DHRS7C: variants seen among roughly 807,000 people sequenced by gnomAD.
DHRS7C encodes dehydrogenase/reductase SDR family member 7C.
DHRS7C carries 28 observed loss-of-function variants against 29.6 expected under a neutral mutation model. The ratio of observed to expected loss-of-function variants is 0.95; its 90% confidence interval spans 0.70 to 1.30. The LOEUF (loss-of-function observed/expected upper bound fraction) is 1.30, where lower values mean the gene tolerates loss of function less well. DHRS7C is among the 50% of genes most tolerant of loss of function. The pLI, the probability that DHRS7C is intolerant of heterozygous loss-of-function variation, is 0.00. For missense variants in DHRS7C, 403 were observed against 393.3 expected, an observed-to-expected ratio of 1.02 and a Z score of -0.21; for synonymous variants, 158 against 160.2, an observed-to-expected ratio of 0.99 and a Z score of 0.10.
In DHRS7C at chr17:9,771,460, A is replaced by G; in HGVS notation, c.*28T>C. On this transcript the variant is annotated 3_prime_UTR_variant, in exon 6 of 6. Transcript: ENST00000571134. ...ACCTGCCAGAAAAACCTTTATTTCC[A>G]AGGGGTGGCCCATTTGGCCTCCTGC... is the stretch of plus-strand genomic sequence containing the variant. The G allele has an allele frequency of 6.9e-7, 1 of 1,454,304 alleles. No individual in the cohort carries two copies. Among genetic ancestry groups the G allele is most frequent in the Non-Finnish European group, 9.1e-7 (1 of 1,097,046 alleles). 90.1% of individuals were successfully genotyped at this position (1,454,304 alleles called of 1,614,324 possible).
rs2152015434 is a variant in DHRS7C at position 9,775,805 on chromosome 17, C to T, written c.571+1388G>A. Among the ~76,000 whole-genome samples the T allele has an allele frequency of 6.6e-6, 1 of 152,312 alleles. No individual in the cohort carries two copies. Among genetic ancestry groups the T allele is most frequent in the Non-Finnish European group, 1.5e-5 (1 of 68,036 alleles). On this transcript the variant is annotated intron_variant, in intron 4 of 5. Coordinates refer to ENST00000571134, the MANE Select transcript of DHRS7C (RefSeq NM_001105571.3). This position sits in a 1 kb window ranked among gnomAD's most constrained non-coding sequence, Gnocchi z 4.2. ...ATATGCTGAAACCCAATACCCAGTA[C>T]TCAGAATGTGACGGTATTTAGAGAT...
chr17:9,787,738 C>T (rs111960702), intron 1 of DHRS7C, among the ~76,000 whole-genome samples: 4 of 152,032 alleles, frequency 2.6e-5, no homozygotes, highest in African/African-American at 9.7e-5. Context: ...GACAGGGTCT[C>T]ACTCTGTCGC....
intron 1 of DHRS7C, among the ~76,000 whole-genome samples, chr17:9,783,563 C>A (rs190914897): frequency 5.9e-4 from 90 of 152,250 alleles, no homozygotes; most frequent in African/African-American, 2.1e-3. Flanking sequence ...AAAGAGTTAG[C>A]AGTTCAAGTC....
intron 1 of DHRS7C, among the ~76,000 whole-genome samples, chr17:9,783,227 C>A (rs948293470): frequency 1.3e-5 from 2 of 152,080 alleles, no homozygotes; most frequent in Non-Finnish European, 2.9e-5. Context: ...GAGGGAAACC[C>A]GAATCCAGAA....
chr17:9,783,406 A>T (rs1388911715), intron 1 of DHRS7C, among the ~76,000 whole-genome samples: 1 of 152,218 alleles, frequency 6.6e-6, no homozygotes, highest in Admixed American at 6.5e-5. Context: ...GTAAATCAGG[A>T]TCCCAACGGG....
intron 3 of DHRS7C, among the ~76,000 whole-genome samples, chr17:9,778,274 G>T (rs1037537212): frequency 1.3e-5 from 2 of 151,916 alleles, no homozygotes; most frequent in African/African-American, 4.8e-5. Context: ...GGCGCCTGTA[G>T]TCCCAGCTAC....
chr17:9,782,512 G>A lies in DHRS7C; in HGVS notation c.155-918C>T, dbSNP rs573803437. 3.9e-5 allele frequency among the ~76,000 whole-genome samples: 6 copies of A among 152,140 alleles called. No homozygotes were observed. The East Asian group carries it at 9.7e-4, about 25-fold the overall frequency. The stretch of plus-strand genomic sequence containing the variant: ...TTGCAGAGCTGGAGGCAAGAGGATC[G>A]GCCTTTGTACACCAGTGTCAATCAG... On this transcript the variant is annotated intron_variant, in intron 1 of 5. Transcript: ENST00000571134.
rs751667115 is a variant in DHRS7C, at chr17:9,779,834, A to G, written c.469T>C (p.Leu157=). Residue 157 remains leucine, a synonymous_variant, in exon 3 of 6, where the codon TTG becomes CTG. Coordinates refer to ENST00000571134, the MANE Select transcript of DHRS7C (RefSeq NM_001105571.3). ...MDANYFGPIT[L]TKALLPNMIS... is the part of the protein sequence containing the mutation. ...GTCAAACTCACGAGACCTTTCGTCA[A>G]TGTGATGGGGCCAAAGTAATTGGCA... 6 of 1,612,384 alleles carry G rather than the reference A, an allele frequency of 3.7e-6. No individual in the cohort carries two copies. The highest frequency in any genetic ancestry group is 2.7e-5 in the African/African-American group (2 of 74,902).
intron 2 of DHRS7C, among the ~76,000 whole-genome samples, chr17:9,780,314 A>G (rs1313393567): frequency 6.6e-6 from 1 of 152,170 alleles, no homozygotes; most frequent in Non-Finnish European, 1.5e-5. Flanking sequence ...ATAAATGAAT[A>G]TTGCCCTTCA....
chr17:9,781,558 A>G lies in DHRS7C; in HGVS notation c.191T>C (p.Leu64Pro). ...ARVFHTGGAR[L>P]VLCGKNWERL... ...CTCCCAGTTCTTTCCACACAGCACC[A>G]GCCTTGCCCCACCTGTGTGGAACAC... The change falls in exon 2 of 6, where the codon CTG (leucine) becomes CCG (proline). Residue 64 changes from leucine to proline, a missense_variant. Transcript: ENST00000571134. The G allele has an allele frequency of 6.2e-7, 1 of 1,614,002 alleles. No homozygotes were observed. The highest frequency in any genetic ancestry group is 8.5e-7 in the Non-Finnish European group (1 of 1,179,890).
Position 9,779,904 on chromosome 17 carries a change from C to A in DHRS7C, c.399G>T (p.Gly133=). The A allele has an allele frequency of 6.2e-7, 1 of 1,613,836 alleles. No individual in the cohort carries two copies. Among genetic ancestry groups the A allele is most frequent in the Non-Finnish European group, 8.5e-7 (1 of 1,179,846 alleles). Residue 133 remains glycine (G), a synonymous_variant, in exon 3 of 6, where the codon GGG becomes GGT. Transcript: ENST00000571134. ...LINNASVKVK[G]PAHKISLELD... is the part of the protein sequence containing the mutation. Reference sequence around the variant, plus strand: ...GCTCCAGAGAAATCTTATGGGCAGGCCCCTTCACCTTCACACTGGCATTGT... The same window carrying A: ...GCTCCAGAGAAATCTTATGGGCAGGACCCTTCACCTTCACACTGGCATTGT...
At chr17:9,783,662 A>T (rs2066405956) in intron 1 of DHRS7C, among the ~76,000 whole-genome samples, 1 of 152,180 alleles carries the variant, frequency 6.6e-6, no homozygotes, top group Non-Finnish European at 1.5e-5. Context: ...ACGGGAAAAG[A>T]ATGTATTACG....
At chr17:9,782,676 G>A (rs2066399663) in intron 1 of DHRS7C, among the ~76,000 whole-genome samples, 1 of 152,240 alleles carries the variant, frequency 6.6e-6, no homozygotes, top group Non-Finnish European at 1.5e-5. Context: ...GCCATTTGCA[G>A]CCAACTCTTA....
Position 9,779,892 on chromosome 17 carries a change from C to G in DHRS7C, c.411G>C (p.Lys137Asn), listed in dbSNP as rs2086957931. The G allele has an allele frequency of 1.9e-6, 3 of 1,613,858 alleles. No homozygotes were observed. The highest frequency in any genetic ancestry group is 1.3e-5 in the African/African-American group (1 of 75,024). The change falls in exon 3 of 6, where the codon AAG becomes AAC. Residue 137 changes from lysine (K) to asparagine (N), a missense_variant. Transcript: ENST00000571134. Reference sequence around the variant, plus strand: ...TCTTTTTGTCGAGCTCCAGAGAAATCTTATGGGCAGGCCCCTTCACCTTCA... The same window carrying G: ...TCTTTTTGTCGAGCTCCAGAGAAATGTTATGGGCAGGCCCCTTCACCTTCA... Reference protein sequence around the residue: ...ASVKVKGPAHKISLELDKKIM... With the variant: ...ASVKVKGPAHNISLELDKKIM...
chr17:9,789,833 G>A (rs1036698731), intron 1 of DHRS7C, among the ~76,000 whole-genome samples: 3 of 152,152 alleles, frequency 2.0e-5, no homozygotes, highest in Admixed American at 6.5e-5. Context: ...CTTTTGTCTG[G>A]TCTGATTGAC....
rs775172620 is a variant in DHRS7C at position 9,775,051 on chromosome 17, G to A, written c.572-2129C>T. ...GGAAACTCGTGCATTTGTCCTATACGGGTCAGTGGCCAAAGCGCCCATTGT... is the reference window on the plus strand; with the variant it reads ...GGAAACTCGTGCATTTGTCCTATACAGGTCAGTGGCCAAAGCGCCCATTGT... On this transcript the variant is annotated intron_variant, in intron 4 of 5. Coordinates refer to ENST00000571134, the MANE Select transcript of DHRS7C (RefSeq NM_001105571.3). The surrounding 1 kb of genome is among the most constrained non-coding windows in gnomAD (Gnocchi z 4.2). 1.3e-5 allele frequency among the ~76,000 whole-genome samples: 2 copies of A among 152,102 alleles called. No individual in the cohort carries two copies. Among genetic ancestry groups the A allele is most frequent in the African/African-American group, 4.8e-5 (2 of 41,404 alleles).
intron 3 of DHRS7C, among the ~76,000 whole-genome samples, chr17:9,778,096 A>G (rs1567701273): frequency 6.6e-6 from 1 of 152,198 alleles, no homozygotes; most frequent in Non-Finnish European, 1.5e-5. Context: ...CTCCATGTTA[A>G]AATGGACAAA....
In DHRS7C at chr17:9,775,098, T is replaced by G. The variant is rs977840781; in HGVS notation, c.571+2095A>C. 1.8e-4 allele frequency among the ~76,000 whole-genome samples: 27 copies of G among 152,222 alleles called. No homozygotes were observed. Among genetic ancestry groups the G allele is most frequent in the African/African-American group, 6.5e-4 (27 of 41,448 alleles). ...TTGTCATGCCCATGTCTCATTATATTATGTCACCTCTGTGTTCCCATCACT... is the reference window on the plus strand; with the variant it reads ...TTGTCATGCCCATGTCTCATTATATGATGTCACCTCTGTGTTCCCATCACT... On this transcript the variant is annotated intron_variant, in intron 4 of 5. Transcript: ENST00000571134. The surrounding 1 kb of genome is among the most constrained non-coding windows in gnomAD (Gnocchi z 4.2).
At position 9,775,237 on chromosome 17, in the gene DHRS7C, A is replaced by C. The variant is rs1037948148; in HGVS notation, c.571+1956T>G. Among the ~76,000 whole-genome samples the C allele has an allele frequency of 1.3e-5, 2 of 152,260 alleles. No individual in the cohort carries two copies. The highest frequency in any genetic ancestry group is 4.1e-4 in the South Asian group (2 of 4,838). ...CAGAAAGTTTAAAAATACAAGGAGCAGTGGGGAGATTCCTAAGTGGACTGG... is the reference window on the plus strand; with the variant it reads ...CAGAAAGTTTAAAAATACAAGGAGCCGTGGGGAGATTCCTAAGTGGACTGG... On this transcript the variant is annotated intron_variant, in intron 4 of 5. Transcript: ENST00000571134. The surrounding 1 kb of genome is among the most constrained non-coding windows in gnomAD (Gnocchi z 4.2).
Sources: gnomAD v4.1 joint callset for allele counts (sites outside exome capture counted in the v4.1 genomes callset) on GRCh38, gnomAD v4.1.1 for gene constraint, Gnocchi (gnomAD v3.1) non-coding constraint, MANE v1.5 for transcripts, NCBI Gene and HGNC (gene_info 2026-07-23, HGNC 2026-07-21) for gene names.